Variants in TMPRSS12 observed in about 807,000 individuals in gnomAD.
The protein encoded by TMPRSS12 is transmembrane serine protease 12.
In TMPRSS12, 25 loss-of-function variants were observed where a neutral mutation model predicts 26.0. That is an observed-to-expected ratio of 0.96 (90% CI 0.70 to 1.34). TMPRSS12 has a LOEUF of 1.34. TMPRSS12 is among the 40% of genes most tolerant of loss of function. The probability of loss-of-function intolerance (pLI) is 0.00; values close to 1 mark genes in which losing one functional copy is unlikely to be tolerated. For synonymous variants in TMPRSS12, 150 were observed against 161.7 expected (o/e 0.93, Z 0.55); for missense variants, 441 against 440.1 (o/e 1.00, Z -0.02).
chr12:50,884,535 G>A (rs777281203), intron 3 of TMPRSS12, among the ~76,000 whole-genome samples: 3 of 152,148 alleles, frequency 2.0e-5, no homozygotes, highest in Non-Finnish European at 4.4e-5. Context: ...TGATGAGGAT[G>A]TGAAGAATTT....
rs532711882 is a variant in TMPRSS12, at chr12:50,887,709, CTTGA to C, written c.*199_*202del. ...TGAATCACATGTCTCCTTGAAATAT[CTTGA>C]TTATTTTATAATCATAATTCTGTAT... is the stretch of plus-strand genomic sequence containing the variant. On this transcript the variant is annotated 3_prime_UTR_variant, in exon 5 of 5. Coordinates refer to ENST00000398458, the MANE Select transcript of TMPRSS12 (RefSeq NM_182559.3). 2.5e-4 allele frequency: 138 copies of C among 556,908 alleles called. No homozygotes were observed. The highest frequency in any genetic ancestry group is 1.9e-3 in the Middle Eastern group (4 of 2,074). The allele number at this position is 556,908 out of a possible 1,614,324, so 34.5% of individuals were successfully genotyped here. A position where few individuals can be genotyped will look rare whatever the true frequency, so the allele number is the denominator to read the frequency against.
At chr12:50,859,704 T>G (rs1382447998) in intron 3 of TMPRSS12, among the ~76,000 whole-genome samples, 4 of 152,184 alleles carry the variant, frequency 2.6e-5, no homozygotes, top group Non-Finnish European at 1.5e-5. Flanking sequence ...TTCTACTGTA[T>G]CACAGCTGTC....
rs922579581 is a variant in TMPRSS12, at chr12:50,844,037, G to A, written c.383G>A (p.Ser128Asn). The change falls in exon 2 of 5, where the codon AGC (serine) becomes AAC (asparagine). Residue 128 changes from serine (S) to asparagine (N), a missense_variant and splice_region_variant. By Grantham distance (46) the Ser-to-Asn change is conservative. Coordinates refer to ENST00000398458, the MANE Select transcript of TMPRSS12 (RefSeq NM_182559.3). ...LTAAHCTKDA[S>N]DPLMWTAVIG... ...GCTGCCCACTGCACTAAAGACGCTAGGTACGTATTCAGAACACAACTATTT... is the reference window on the plus strand; with the variant it reads ...GCTGCCCACTGCACTAAAGACGCTAAGTACGTATTCAGAACACAACTATTT... 1 of 1,556,272 alleles carries A rather than the reference G, an allele frequency of 6.4e-7. No homozygotes were observed. Among genetic ancestry groups the A allele is most frequent in the Admixed American group, 2.0e-5 (1 of 49,580 alleles).
At chr12:50,862,848 C>T (rs1240057784) in intron 3 of TMPRSS12, among the ~76,000 whole-genome samples, 4 of 151,536 alleles carry the variant, frequency 2.6e-5, no homozygotes, top group African/African-American at 9.7e-5. Context: ...ATATAGTATA[C>T]TTCAAATGTG....
intron 3 of TMPRSS12, among the ~76,000 whole-genome samples, chr12:50,877,501 C>T (rs1938123486): frequency 6.6e-6 from 1 of 152,094 alleles, no homozygotes; most frequent in Admixed American, 6.5e-5. Flanking sequence ...AAAACAAGTT[C>T]GTTGAGGTTA....
chr12:50,875,490 A>AAAAAAAAAG (rs1491511041), intron 3 of TMPRSS12, among the ~76,000 whole-genome samples: 1 of 35,604 alleles, frequency 2.8e-5, no homozygotes, highest in African/African-American at 9.0e-5. Context: ...ACTCCATCTC[A>AAAAAAAAAG]AAAAAAAAAA....
chr12:50,856,171 AC>A (rs777552710), intron 2 of TMPRSS12, among the ~76,000 whole-genome samples: 2 of 152,148 alleles, frequency 1.3e-5, no homozygotes, highest in African/African-American at 2.4e-5. Flanking sequence ...CATGTAACAA[AC>A]CAGCACGTGT....
At chr12:50,874,650 T>C (rs1468632842) in intron 3 of TMPRSS12, among the ~76,000 whole-genome samples, 4 of 152,196 alleles carry the variant, frequency 2.6e-5, no homozygotes, top group African/African-American at 7.2e-5. Context: ...GGTATGATTC[T>C]ATGCCTAGAA....
At chr12:50,845,608 A>G (rs550140633) in intron 2 of TMPRSS12, among the ~76,000 whole-genome samples, 1 of 152,274 alleles carries the variant, frequency 6.6e-6, no homozygotes, top group Non-Finnish European at 1.5e-5. Context: ...TAGCATCATC[A>G]ACAGCTCCAT....
chr12:50,845,769 T>C (rs1937761633), intron 2 of TMPRSS12, among the ~76,000 whole-genome samples: 1 of 152,208 alleles, frequency 6.6e-6, no homozygotes, highest in Non-Finnish European at 1.5e-5. Context: ...TCAGTCTCTA[T>C]ATTCCTAGCT....
intron 4 of TMPRSS12, 60 bp from the exon 5 acceptor site, chr12:50,887,202 G>A: frequency 3.3e-6 from 5 of 1,520,882 alleles, no homozygotes; most frequent in Non-Finnish European, 4.5e-6. Context: ...TTATTCCAGT[G>A]TTACTGTTGC....
At chr12:50,855,023 G>A (rs1045855672) in intron 2 of TMPRSS12, among the ~76,000 whole-genome samples, 15 of 152,240 alleles carry the variant, frequency 9.9e-5, no homozygotes, top group Non-Finnish European at 4.4e-5. Context: ...TAAGCATAAA[G>A]AACAAAGCTG....
At chr12:50,851,164 A>G (rs1181839762) in intron 2 of TMPRSS12, among the ~76,000 whole-genome samples, 1 of 152,228 alleles carries the variant, frequency 6.6e-6, no homozygotes, top group Non-Finnish European at 1.5e-5. Flanking sequence ...TCTTATCTCC[A>G]AATGACTACA....
At chr12:50,866,103 G>A (rs1937988693) in intron 3 of TMPRSS12, among the ~76,000 whole-genome samples, 1 of 152,094 alleles carries the variant, frequency 6.6e-6, no homozygotes, top group Non-Finnish European at 1.5e-5. Flanking sequence ...CTGGCATCAT[G>A]AATTTTAGCT....
At chr12:50,873,201 G>A (rs890271380) in intron 3 of TMPRSS12, among the ~76,000 whole-genome samples, 1 of 151,842 alleles carries the variant, frequency 6.6e-6, no homozygotes, top group African/African-American at 2.4e-5. Flanking sequence ...GGGTGGGAGG[G>A]GGGCGAGGGA....
At chr12:50,879,886 C>A (rs1410038357) in intron 3 of TMPRSS12, among the ~76,000 whole-genome samples, 3 of 152,084 alleles carry the variant, frequency 2.0e-5, no homozygotes, top group African/African-American at 7.2e-5. Context: ...GGGAGGATCA[C>A]TTGAGGCCCA....
At chr12:50,846,854 A>T (rs1431196449) in intron 2 of TMPRSS12, among the ~76,000 whole-genome samples, 1 of 151,982 alleles carries the variant, frequency 6.6e-6, no homozygotes, top group Non-Finnish European at 1.5e-5. Context: ...TGGTAACTGC[A>T]GGTGTGAGCA....
intron 3 of TMPRSS12, among the ~76,000 whole-genome samples, chr12:50,882,804 C>T (rs977682680): frequency 4.6e-5 from 3 of 65,082 alleles, no homozygotes; most frequent in Non-Finnish European, 1.0e-4. Context: ...AAAACCAGAA[C>T]TCAGAACAAG....
At chr12:50,869,947 G>C (rs1938026541) in intron 3 of TMPRSS12, among the ~76,000 whole-genome samples, 1 of 152,152 alleles carries the variant, frequency 6.6e-6, no homozygotes, top group Admixed American at 6.5e-5. Flanking sequence ...GCTGGGCATG[G>C]TTGCAGGCGC....
Sources: allele counts gnomAD v4.1 joint callset (sites outside exome capture counted in the v4.1 genomes callset), GRCh38; gene constraint gnomAD v4.1.1; transcripts MANE v1.5; gene names NCBI Gene and HGNC (gene_info 2026-07-23, HGNC 2026-07-21).